ZBTB20: variants seen among roughly 807,000 people sequenced by gnomAD.
The protein encoded by ZBTB20 is zinc finger and BTB domain containing 20, also known as zinc finger and BTB domain-containing protein 20.
Under a neutral mutation model 56.9 loss-of-function variants are expected in ZBTB20, and 9 were observed. That is an observed-to-expected ratio of 0.16 (90% CI 0.10 to 0.28). The LOEUF (loss-of-function observed/expected upper bound fraction) is 0.28. ZBTB20 is among the 10% of genes least tolerant of loss of function. ZBTB20 has a pLI of 1.00. For missense variants in ZBTB20, 655 were observed against 1,003.0 expected, an observed-to-expected ratio of 0.65 and a Z score of 4.69; for synonymous variants, 417 against 420.7, an observed-to-expected ratio of 0.99 and a Z score of 0.11.
chr3:114,516,441 T>C (rs1007897570), intron 6 of ZBTB20, among the ~76,000 whole-genome samples: 1 of 152,240 alleles, frequency 6.6e-6, no homozygotes, highest in East Asian at 1.9e-4. Flanking sequence ...TATAGAATCA[T>C]AAATCTATAC....
rs1375877222 is a variant in ZBTB20 at position 114,791,829 on chromosome 3, T to A, written c.-343+9272A>T. ...TTCCTACATCTTTGAAGACATTTTA[T>A]TAAAAAAGGTTATAACTGAGAATTC... is the stretch of plus-strand genomic sequence containing the variant. On this transcript the variant is annotated intron_variant, in intron 5 of 11. Coordinates refer to ENST00000675478, the MANE Select transcript of ZBTB20 (RefSeq NM_001348800.3). 4.0e-5 allele frequency: 3 copies of A among 75,112 alleles called. No homozygotes were observed. The East Asian group carries it at 6.9e-3, about 174-fold the overall frequency. The allele number at this position is 75,112 out of a possible 1,614,324, so 4.7% of individuals were successfully genotyped here. A position where few individuals can be genotyped will look rare whatever the true frequency, so the allele number is the denominator to read the frequency against.
chr3:114,786,055 T>C (rs548045213), intron 5 of ZBTB20, among the ~76,000 whole-genome samples: 5 of 152,248 alleles, frequency 3.3e-5, no homozygotes, highest in African/African-American at 9.6e-5. Flanking sequence ...GTTTGTTACA[T>C]AGGCAAACGT....
At chr3:114,867,462 A>G (rs1322661803) in intron 4 of ZBTB20, among the ~76,000 whole-genome samples, 4 of 152,286 alleles carry the variant, frequency 2.6e-5, no homozygotes, top group Admixed American at 1.3e-4. Context: ...ACTTCAACCA[A>G]TTCAGCTCTA....
At chr3:114,829,359 T>C (rs1401264602) in intron 4 of ZBTB20, among the ~76,000 whole-genome samples, 1 of 151,872 alleles carries the variant, frequency 6.6e-6, no homozygotes, top group Non-Finnish European at 1.5e-5. Context: ...TTCTCTCAAA[T>C]ATATTCAAGT....
chr3:114,850,130 C>CCT (rs2074927640), intron 4 of ZBTB20, among the ~76,000 whole-genome samples: 1 of 151,924 alleles, frequency 6.6e-6, no homozygotes, highest in Non-Finnish European at 1.5e-5. Context: ...GAATTCCTGA[C>CCT]CTCGAGTGAT....
chr3:114,748,350 T>TCTC (rs373583112), intron 5 of ZBTB20, among the ~76,000 whole-genome samples: 1,128 of 28,810 alleles, frequency 0.039, 7 homozygotes, highest in Middle Eastern at 0.1. Context: ...TCTTTCTTTC[T>TCTC]TTTCTCTCTC....
At chr3:114,476,461 G>GA (rs2040779892) in intron 7 of ZBTB20, among the ~76,000 whole-genome samples, 4 of 152,128 alleles carry the variant, frequency 2.6e-5, no homozygotes, top group Admixed American at 2.6e-4. Context: ...AATTTAAAAA[G>GA]AAAAAATATA....
intron 1 of ZBTB20, among the ~76,000 whole-genome samples, chr3:115,142,985 AAAGT>A (rs1306036490): frequency 2.6e-5 from 4 of 152,208 alleles, no homozygotes; most frequent in Non-Finnish European, 4.4e-5. Context: ...TTTGGCTAAC[AAAGT>A]AAGACTCACC....
At chr3:114,473,507 AG>A (rs2040387867) in intron 7 of ZBTB20, among the ~76,000 whole-genome samples, 1 of 152,108 alleles carries the variant, frequency 6.6e-6, no homozygotes, top group Admixed American at 6.6e-5. Flanking sequence ...TTTCCAACCC[AG>A]GATGTGTCTC....
Position 114,927,431 on chromosome 3 carries a change from G to A in ZBTB20, c.-455-27089C>T, listed in dbSNP as rs1275015866. Among the ~76,000 whole-genome samples the A allele has an allele frequency of 2.6e-5, 4 of 152,106 alleles. No individual in the cohort carries two copies. The South Asian group carries it at 6.2e-4, about 24-fold the overall frequency. On this transcript the variant is annotated intron_variant, in intron 3 of 11. Coordinates refer to ENST00000675478, the MANE Select transcript of ZBTB20 (RefSeq NM_001348800.3). The stretch of plus-strand genomic sequence containing the variant: ...TGTGTCATGGGCATGTGTCCTTAAC[G>A]TTGACAAAATAAACTTCCTAAATTG...
chr3:115,070,629 A>G (rs2082376343), intron 2 of ZBTB20, among the ~76,000 whole-genome samples: 1 of 152,096 alleles, frequency 6.6e-6, no homozygotes, highest in Non-Finnish European at 1.5e-5. Flanking sequence ...AGGGAGGTTC[A>G]CAATGATACC....
At chr3:114,887,704 C>G (rs1313627880) in intron 4 of ZBTB20, among the ~76,000 whole-genome samples, 1 of 152,130 alleles carries the variant, frequency 6.6e-6, no homozygotes, top group Non-Finnish European at 1.5e-5. Flanking sequence ...TTCTAGCCTC[C>G]AGAACTGTGA....
chr3:114,649,975 C>T (rs186908144), intron 6 of ZBTB20, among the ~76,000 whole-genome samples: 11 of 151,982 alleles, frequency 7.2e-5, no homozygotes, highest in Admixed American at 2.6e-4. Flanking sequence ...TGAGAAGCTA[C>T]TCCAGACTAG....
At chr3:114,385,469 C>A (rs546194553) in intron 8 of ZBTB20, among the ~76,000 whole-genome samples, 1 of 152,260 alleles carries the variant, frequency 6.6e-6, no homozygotes, top group South Asian at 2.1e-4. Flanking sequence ...TGAGATAAGC[C>A]ATGTAAAGTG....
chr3:114,697,762 GAGAA>G (rs1394322416), intron 5 of ZBTB20, among the ~76,000 whole-genome samples: 4 of 151,944 alleles, frequency 2.6e-5, no homozygotes, highest in African/African-American at 9.7e-5. Context: ...GGAGGAAAAA[GAGAA>G]AGGGAGAAAT....
At chr3:114,434,993 A>G (rs1361960736) in intron 7 of ZBTB20, among the ~76,000 whole-genome samples, 3 of 152,164 alleles carry the variant, frequency 2.0e-5, no homozygotes, top group Non-Finnish European at 4.4e-5. Context: ...TGCTCACACA[A>G]CTTGGGACTG....
intron 6 of ZBTB20, among the ~76,000 whole-genome samples, chr3:114,565,112 GA>G (rs2052562223): frequency 6.6e-6 from 1 of 152,128 alleles, no homozygotes; most frequent in Non-Finnish European, 1.5e-5. Flanking sequence ...TCTTTATGCT[GA>G]TAACACTAAA....
intron 5 of ZBTB20, among the ~76,000 whole-genome samples, chr3:114,746,755 TC>T (rs2067074421): frequency 6.6e-6 from 1 of 152,196 alleles, no homozygotes; most frequent in Non-Finnish European, 1.5e-5. Context: ...AGAAACACAG[TC>T]AGGAATATAG....
chr3:114,823,836 G>T (rs894190016), intron 4 of ZBTB20, among the ~76,000 whole-genome samples: 2 of 151,924 alleles, frequency 1.3e-5, no homozygotes, highest in Non-Finnish European at 2.9e-5. Flanking sequence ...TCAATTTTGA[G>T]TCTATTTTTT....
Sources: gnomAD v4.1 joint callset for allele counts (sites outside exome capture counted in the v4.1 genomes callset) on GRCh38, gnomAD v4.1.1 for gene constraint, MANE v1.5 for transcripts, NCBI Gene and HGNC (gene_info 2026-07-23, HGNC 2026-07-21) for gene names.